The following NEBL variants were observed in gnomAD, a reference collection of about 807,000 sequenced individuals.
The protein encoded by NEBL is LIM and SH3 protein 2.
In NEBL, 122 loss-of-function variants were observed where a neutral mutation model predicts 140.2. The observed-to-expected ratio is 0.87, with a 90% CI of 0.75 to 1.01. The LOEUF is 1.01. Among genes scored for constraint, NEBL ranks in the 50% least tolerant of loss-of-function variants. The pLI, the probability that NEBL is intolerant of heterozygous loss-of-function variation, is 0.00. For synonymous variants in NEBL, 436 were observed against 398.9 expected, an observed-to-expected ratio of 1.09 and a Z score of -1.11; for missense variants, 1,365 against 1,231.3, an observed-to-expected ratio of 1.11 and a Z score of -1.62.
intron 2 of NEBL, chr10:21,029,240 G>A (rs1288360346): frequency 1.4e-5 from 22 of 1,535,306 alleles, no homozygotes; most frequent in Non-Finnish European, 1.8e-5. Flanking sequence ...CCGGCTGCTC[G>A]GGAACCCAAT....
intron 2 of NEBL, chr10:21,030,845 G>A (rs1276438456): frequency 3.0e-6 from 1 of 332,490 alleles, no homozygotes; most frequent in South Asian, 2.5e-5. Flanking sequence ...CTCCATGCAG[G>A]GGTGGTATTC....
intron 4 of NEBL, among the ~76,000 whole-genome samples, chr10:20,908,492 G>A (rs536897837): frequency 6.6e-6 from 1 of 152,244 alleles, no homozygotes; most frequent in South Asian, 2.1e-4. Flanking sequence ...CATAATGAAA[G>A]CATTATGAGG....
intron 21 of NEBL, among the ~76,000 whole-genome samples, chr10:20,816,940 C>CA (rs1838776962): frequency 6.6e-6 from 1 of 152,036 alleles, no homozygotes; most frequent in Admixed American, 6.6e-5. Context: ...GGAGGAAGCG[C>CA]AAGAACAGGA....
At position 21,226,827 on chromosome 10, in the gene NEBL, CA is replaced by C. The variant is rs140774815; in HGVS notation, n.348+21093del. Among the ~76,000 whole-genome samples, 686 of 152,282 alleles carry C rather than the reference CA, an allele frequency of 4.5e-3. 5 individuals carry two copies. The highest frequency in any genetic ancestry group is 0.015 in the African/African-American group (644 of 41,558). The stretch of plus-strand genomic sequence containing the variant: ...CCTGTTTTGGTGATATGAAGGTAGA[CA>C]CAGGTACTGTTTCTCTCACCTGACT... On this transcript the variant is annotated intron_variant and non_coding_transcript_variant, in intron 3 of 8. Transcript: ENST00000675702.
Position 20,819,000 on chromosome 10 carries a change from A to G in NEBL, c.2055+424T>C, listed in dbSNP as rs573936340. The G allele has an allele frequency of 5.7e-5, 56 of 980,792 alleles. No homozygotes were observed. In the South Asian group the frequency reaches 2.1e-3, roughly 36 times the overall value. The allele number at this position is 980,792 out of a possible 1,614,324, so 60.8% of individuals were successfully genotyped here. A position where few individuals can be genotyped will look rare whatever the true frequency, so the allele number is the denominator to read the frequency against. ...ACAAAAGAATTAATGCTGCATGTACATATTCACTTTTTCATGTTATAATGA... is the reference window on the plus strand; with the variant it reads ...ACAAAAGAATTAATGCTGCATGTACGTATTCACTTTTTCATGTTATAATGA... On this transcript the variant is annotated intron_variant, in intron 20 of 27. Coordinates refer to ENST00000377122, the MANE Select transcript of NEBL (RefSeq NM_006393.3).
intron 2 of NEBL, among the ~76,000 whole-genome samples, chr10:21,158,057 G>A (rs1354817568): frequency 3.3e-5 from 5 of 152,206 alleles, no homozygotes; most frequent in African/African-American, 1.2e-4. Context: ...CTAGAACTGT[G>A]AGACAACAAA....
At chr10:21,102,906 G>T (rs916066971) in intron 2 of NEBL, among the ~76,000 whole-genome samples, 4 of 152,034 alleles carry the variant, frequency 2.6e-5, no homozygotes, top group African/African-American at 9.7e-5. Flanking sequence ...TGCCATAGCG[G>T]TTTGCTGTAC....
intron 4 of NEBL, among the ~76,000 whole-genome samples, chr10:20,917,548 T>C (rs1055739335): frequency 6.6e-6 from 1 of 152,210 alleles, no homozygotes; most frequent in African/African-American, 2.4e-5. Context: ...CACACATTAC[T>C]ATGCATCACG....
At chr10:20,844,698 A>C (rs1022072435) in intron 12 of NEBL, among the ~76,000 whole-genome samples, 1 of 151,962 alleles carries the variant, frequency 6.6e-6, no homozygotes, top group Non-Finnish European at 1.5e-5. Context: ...TGTTAAATAT[A>C]TTATTTTTCC....
At chr10:20,798,224 G>A (rs1836765554) in intron 26 of NEBL, among the ~76,000 whole-genome samples, 1 of 152,114 alleles carries the variant, frequency 6.6e-6, no homozygotes. Flanking sequence ...AAAGAGCCAG[G>A]GCCACAGATA....
At chr10:20,790,212 T>C (rs1835832853) in intron 26 of NEBL, among the ~76,000 whole-genome samples, 1 of 152,126 alleles carries the variant, frequency 6.6e-6, no homozygotes, top group East Asian at 1.9e-4. Flanking sequence ...ATTTGCCATC[T>C]GGCTGAATTA....
intron 3 of NEBL, among the ~76,000 whole-genome samples, chr10:21,188,528 A>C (rs1323745931): frequency 1.3e-5 from 2 of 152,136 alleles, no homozygotes; most frequent in Non-Finnish European, 2.9e-5. Context: ...AAAATGCCTA[A>C]GTATAATAGT....
intron 3 of NEBL, among the ~76,000 whole-genome samples, chr10:20,996,571 A>T (rs1837671805): frequency 6.6e-6 from 1 of 152,238 alleles, no homozygotes; most frequent in Admixed American, 6.5e-5. Context: ...AACTTGTCCG[A>T]GGACACATAG....
At chr10:21,029,386 C>A in intron 2 of NEBL, 1 of 1,611,512 alleles carries the variant, frequency 6.2e-7, no homozygotes, top group African/African-American at 1.3e-5. Context: ...ACCACGTGAA[C>A]CCAGCAATCC....
chr10:21,268,524 ATT>A (rs202006533), intron 1 of NEBL, among the ~76,000 whole-genome samples: 64,249 of 145,556 alleles, frequency 0.44, 15,036 homozygotes, highest in African/African-American at 0.6. Context: ...TTTTAATTTA[ATT>A]TTTTTTTTTT....
At chr10:20,947,527 A>G (rs1466584453) in intron 4 of NEBL, among the ~76,000 whole-genome samples, 2 of 152,226 alleles carry the variant, frequency 1.3e-5, no homozygotes, top group African/African-American at 4.8e-5. Flanking sequence ...CTAAATATTT[A>G]ACTTCTAAAG....
At chr10:21,099,109 G>A (rs1481142199) in intron 2 of NEBL, among the ~76,000 whole-genome samples, 1 of 152,108 alleles carries the variant, frequency 6.6e-6, no homozygotes, top group Admixed American at 6.6e-5. Context: ...CTCCAGCCTG[G>A]GTAACAGAGA....
At chr10:21,011,789 A>T (rs557769128) in intron 3 of NEBL, among the ~76,000 whole-genome samples, 79 of 152,268 alleles carry the variant, frequency 5.2e-4, no homozygotes, top group African/African-American at 1.7e-3. Context: ...GTTGAGGTCT[A>T]ACCTCTACTC....
intron 2 of NEBL, among the ~76,000 whole-genome samples, chr10:21,022,298 A>G (rs1283422933): frequency 1.3e-5 from 2 of 151,900 alleles, no homozygotes; most frequent in East Asian, 3.9e-4. Flanking sequence ...ACTGTTTCAA[A>G]CTCGACTCTC....
Sources: gnomAD v4.1 joint callset for allele counts (sites outside exome capture counted in the v4.1 genomes callset) on GRCh38, gnomAD v4.1.1 for gene constraint, MANE v1.5 for transcripts, NCBI Gene and HGNC (gene_info 2026-07-23, HGNC 2026-07-21) for gene names.